The following METTL21A variants were observed in gnomAD, a reference collection of about 807,000 sequenced individuals.
The protein encoded by METTL21A is protein N-lysine methyltransferase METTL21A.
A neutral mutation model predicts 20.9 loss-of-function variants in METTL21A; 22 were observed. That is an observed-to-expected ratio of 1.05 (90% CI 0.75 to 1.50). The LOEUF (loss-of-function observed/expected upper bound fraction) is 1.50, where lower values mean the gene tolerates loss of function less well. Ranked by LOEUF, METTL21A falls within the 40% of genes most tolerant of loss-of-function variation. The pLI, the probability that METTL21A is intolerant of heterozygous loss-of-function variation, is 0.00. For missense variants in METTL21A, 271 were observed against 266.8 expected, an observed-to-expected ratio of 1.02 and a Z score of -0.11; for synonymous variants, 93 against 102.0, an observed-to-expected ratio of 0.91 and a Z score of 0.53.
At chr2:207,607,410 G>T (rs1320094425), downstream of METTL21A, among the ~76,000 whole-genome samples, 1 of 151,564 alleles carries the variant, frequency 6.6e-6, no homozygotes, top group African/African-American at 2.4e-5. Flanking sequence ...AAGAAAGAAA[G>T]AAAGAAAGAA....
downstream of METTL21A, among the ~76,000 whole-genome samples, chr2:207,605,863 T>A (rs946083664): frequency 1.3e-5 from 2 of 152,254 alleles, no homozygotes; most frequent in African/African-American, 4.8e-5. Context: ...TATTTGGATA[T>A]TGTTTCCTAA....
intron 3 of METTL21A, among the ~76,000 whole-genome samples, chr2:207,617,593 C>A (rs1161768073): frequency 1.3e-5 from 2 of 152,348 alleles, no homozygotes; most frequent in African/African-American, 4.8e-5. Flanking sequence ...CTTACTAAGA[C>A]GCCTGGGATT....
At chr2:207,625,218 C>T (rs1238024300) in intron 1 of METTL21A, 1 of 152,246 alleles carries the variant, frequency 6.6e-6, no homozygotes, top group Non-Finnish European at 1.5e-5. Flanking sequence ...GCGGAGCACC[C>T]AGGGCTCGCC....
chr2:207,581,710 G>T, exon 4 of METTL21A: 1 of 591,972 alleles, frequency 1.7e-6, no homozygotes, highest in Non-Finnish European at 3.0e-6. Context: ...ACATAACCAG[G>T]GTACATTTAT....
intron 3 of METTL21A, among the ~76,000 whole-genome samples, chr2:207,589,291 C>G (rs2084509652): frequency 6.6e-6 from 1 of 152,144 alleles, no homozygotes. Flanking sequence ...CTAGAGGCCA[C>G]CCACATTTTT....
At chr2:207,623,549 G>A (rs1456535507) in intron 2 of METTL21A, among the ~76,000 whole-genome samples, 1 of 152,164 alleles carries the variant, frequency 6.6e-6, no homozygotes, top group Non-Finnish European at 1.5e-5. Context: ...ACAATACTCT[G>A]TGAAATAAAG....
intron 3 of METTL21A, among the ~76,000 whole-genome samples, chr2:207,591,332 TTTA>T (rs2084984456): frequency 6.6e-6 from 1 of 152,242 alleles, no homozygotes; most frequent in South Asian, 2.1e-4. Context: ...GATAGACCTC[TTTA>T]TTATTATATA....
intron 3 of METTL21A, among the ~76,000 whole-genome samples, chr2:207,614,125 G>T (rs1209028976): frequency 6.6e-6 from 1 of 152,096 alleles, no homozygotes; most frequent in East Asian, 1.9e-4. Flanking sequence ...AGCAGGCCAG[G>T]TACAGTGGCT....
chr2:207,600,241 A>G (rs1301299595), intron 3 of METTL21A: 1 of 44,408 alleles, frequency 2.3e-5, no homozygotes, highest in Non-Finnish European at 4.8e-5. Context: ...ATGTGTACAT[A>G]TATATATATA....
exon 2 of METTL21A, chr2:207,624,385 AC>A: frequency 6.2e-7 from 1 of 1,611,410 alleles, no homozygotes; most frequent in Non-Finnish European, 8.5e-7. Flanking sequence ...TTCCGCCTGC[AC>A]CCCGCCCTCT....
At chr2:207,616,947 T>C (rs1252265324) in intron 3 of METTL21A, among the ~76,000 whole-genome samples, 2 of 152,182 alleles carry the variant, frequency 1.3e-5, no homozygotes, top group African/African-American at 4.8e-5. Flanking sequence ...TAACCTGGCT[T>C]GTTTTGAAGC....
chr2:207,604,420 G>A (rs184271497), downstream of METTL21A, among the ~76,000 whole-genome samples: 77 of 152,184 alleles, frequency 5.1e-4, no homozygotes, highest in South Asian at 1.7e-3. Context: ...TTGTTTAGGG[G>A]AAACCTAGAA....
intron 3 of METTL21A, among the ~76,000 whole-genome samples, chr2:207,616,051 A>G (rs748913359): frequency 1.3e-5 from 2 of 151,918 alleles, no homozygotes; most frequent in Non-Finnish European, 2.9e-5. Flanking sequence ...ACTCAGCCCT[A>G]TTATTCTTTT....
At chr2:207,623,076 G>A (rs892773942) in intron 2 of METTL21A, among the ~76,000 whole-genome samples, 3 of 151,988 alleles carry the variant, frequency 2.0e-5, no homozygotes, top group African/African-American at 7.2e-5. Flanking sequence ...GCTAATTTTT[G>A]TATTTTCAGT....
chr2:207,583,822 A>C (rs2083356484), intron 3 of METTL21A, among the ~76,000 whole-genome samples: 1 of 152,198 alleles, frequency 6.6e-6, no homozygotes, highest in Admixed American at 6.5e-5. Flanking sequence ...GTATTCTCTT[A>C]TATCCCTTTG....
At chr2:207,624,382 T>A (rs752671408) in exon 2 of METTL21A, 10 of 1,611,740 alleles carry the variant, frequency 6.2e-6, no homozygotes, top group Non-Finnish European at 8.5e-6. Context: ...CCATTCCGCC[T>A]GCACCCCGCC....
downstream of METTL21A, among the ~76,000 whole-genome samples, chr2:207,605,062 T>G (rs1304169145): frequency 6.6e-6 from 1 of 152,214 alleles, no homozygotes; most frequent in African/African-American, 2.4e-5. Context: ...GAGTCCGTGT[T>G]TTCAATTATT....
intron 3 of METTL21A, among the ~76,000 whole-genome samples, chr2:207,619,963 G>T (rs1013195576): frequency 1.1e-4 from 17 of 152,190 alleles, no homozygotes; most frequent in Non-Finnish European, 1.8e-4. Flanking sequence ...CACACGACTA[G>T]TAAGAATGAA....
rs2090898154 is a variant in METTL21A, at chr2:207,624,566, CTGAG to C, written c.-29-166_-29-163del. The C allele has an allele frequency of 7.0e-6, 4 of 569,066 alleles. No homozygotes were observed. The South Asian group carries it at 1.1e-4, about 16-fold the overall frequency. The allele number at this position is 569,066 out of a possible 1,614,324, so 35.3% of individuals were successfully genotyped here. A position where few individuals can be genotyped will look rare whatever the true frequency, so the allele number is the denominator to read the frequency against. On this transcript the variant is annotated intron_variant, in intron 1 of 3. Transcript: ENST00000406927. ...TTTCTTTTGCATGGCTCTTCCGAAT[CTGAG>C]TGAGATTTGGCTCGGAATTTGTGTC...
Sources: gnomAD v4.1 joint callset for allele counts (sites outside exome capture counted in the v4.1 genomes callset) on GRCh38, gnomAD v4.1.1 for gene constraint, MANE v1.5 for transcripts, NCBI Gene and HGNC (gene_info 2026-07-23, HGNC 2026-07-21) for gene names.